Variants in SYT1 observed in about 807,000 individuals in gnomAD.
The protein encoded by SYT1 is synaptotagmin 1, also known as synaptotagmin-1.
In SYT1, 8 loss-of-function variants were observed where a neutral mutation model predicts 44.8. That is an observed-to-expected ratio of 0.18 (90% CI 0.10 to 0.32). SYT1 has a LOEUF of 0.32. SYT1 is among the 10% of genes least tolerant of loss of function. The probability of loss-of-function intolerance (pLI) is 1.00; values close to 1 mark genes in which losing one functional copy is unlikely to be tolerated. For synonymous variants in SYT1, 154 were observed against 188.8 expected (o/e 0.82, Z 1.51); for missense variants, 286 against 509.3 (o/e 0.56, Z 4.22).
chr12:79,094,945 A>T (rs533986096), intron 3 of SYT1, among the ~76,000 whole-genome samples: 1 of 151,994 alleles, frequency 6.6e-6, no homozygotes, highest in Admixed American at 6.6e-5. Flanking sequence ...AAGGCAGTCA[A>T]AAAGAAAGAA....
chr12:79,249,082 C>G (rs1592896416), intron 4 of SYT1, among the ~76,000 whole-genome samples: 1 of 106,652 alleles, frequency 9.4e-6, no homozygotes, highest in East Asian at 2.5e-4. Context: ...TTCTCTTTAC[C>G]TCTTTCTTTT....
chr12:79,420,510 A>G (rs1869041598), intron 9 of SYT1, among the ~76,000 whole-genome samples: 1 of 152,136 alleles, frequency 6.6e-6, no homozygotes. Flanking sequence ...AGGACAGACA[A>G]TATAACACTA....
Position 78,917,049 on chromosome 12 carries a change from C to T in SYT1, c.-217+51940C>T, listed in dbSNP as rs377554569. On this transcript the variant is annotated intron_variant, in intron 1 of 10. Transcript: ENST00000261205. ...AAAAGCAATCCTACCACTTCAGCCACCCAAGTACCTGGGACCACAGGCATG... is the reference window on the plus strand; with the variant it reads ...AAAAGCAATCCTACCACTTCAGCCATCCAAGTACCTGGGACCACAGGCATG... 1.1e-3 allele frequency among the ~76,000 whole-genome samples: 162 copies of T among 152,116 alleles called. 5 individuals carry two copies. In the South Asian group the frequency reaches 0.033, roughly 31 times the overall value.
chr12:79,037,998 G>A (rs1028343887), intron 2 of SYT1, among the ~76,000 whole-genome samples: 1 of 151,518 alleles, frequency 6.6e-6, no homozygotes, highest in East Asian at 1.9e-4. Context: ...AAGGATAGTT[G>A]TATGGTCTTT....
At chr12:79,084,436 A>G (rs1877245211) in intron 3 of SYT1, among the ~76,000 whole-genome samples, 1 of 152,146 alleles carries the variant, frequency 6.6e-6, no homozygotes, top group Non-Finnish European at 1.5e-5. Context: ...ATAACCATGC[A>G]GTGGTGACTC....
chr12:79,066,626 C>T (rs1875881524), intron 3 of SYT1, among the ~76,000 whole-genome samples: 1 of 151,906 alleles, frequency 6.6e-6, no homozygotes, highest in Non-Finnish European at 1.5e-5. Flanking sequence ...ATCTAATATT[C>T]AATTTACAAA....
intron 2 of SYT1, among the ~76,000 whole-genome samples, chr12:79,003,695 A>C (rs763638180): frequency 3.3e-5 from 5 of 151,992 alleles, no homozygotes; most frequent in Non-Finnish European, 7.4e-5. Context: ...TGATCTATTC[A>C]TACTTGACAC....
At chr12:79,289,795 G>A (rs1420170104) in intron 5 of SYT1, among the ~76,000 whole-genome samples, 1 of 151,912 alleles carries the variant, frequency 6.6e-6, no homozygotes, top group Non-Finnish European at 1.5e-5. Context: ...AATTTCCTGA[G>A]CACACCTAAG....
Position 79,272,900 on chromosome 12 carries a change from A to G in SYT1, c.167-12887A>G, listed in dbSNP as rs890690887. Among the ~76,000 whole-genome samples, 4 of 152,098 alleles carry G rather than the reference A, an allele frequency of 2.6e-5. No individual in the cohort carries two copies. In the East Asian group the frequency reaches 7.7e-4, roughly 29 times the overall value. ...TGATCAAGATTTTCTAATACCACAG[A>G]CAGTGTTGTTTGGGTTTGACCAAAA... On this transcript the variant is annotated intron_variant, in intron 4 of 10. Transcript: ENST00000261205.
At chr12:79,444,319 A>G (rs1870589305) in intron 10 of SYT1, 113 bp downstream of exon 10, 3 of 1,270,934 alleles carry the variant, frequency 2.4e-6, no homozygotes, top group Admixed American at 2.2e-5. Context: ...TAGAACTGCC[A>G]TTCTTTCTCC....
chr12:79,329,465 A>T (rs995206706), intron 8 of SYT1, among the ~76,000 whole-genome samples: 2 of 152,250 alleles, frequency 1.3e-5, no homozygotes, highest in Non-Finnish European at 2.9e-5. Flanking sequence ...AAAACATTTT[A>T]AAATTATTCT....
intron 3 of SYT1, among the ~76,000 whole-genome samples, chr12:79,179,148 A>ATATATAGATATAGATATATC (rs1872181403): frequency 2.2e-5 from 1 of 46,392 alleles, no homozygotes; most frequent in African/African-American, 1.2e-4. Context: ...ATAGATATAG[A>ATATATAGATATAGATATATC]TATATAGATA....
chr12:78,867,496 T>C (rs1461743163), intron 1 of SYT1, among the ~76,000 whole-genome samples: 2 of 152,076 alleles, frequency 1.3e-5, no homozygotes, highest in Non-Finnish European at 2.9e-5. Flanking sequence ...ATTCTTACTT[T>C]GTTATCCCAC....
chr12:79,007,264 A>G (rs1343335062), intron 2 of SYT1, among the ~76,000 whole-genome samples: 1 of 152,144 alleles, frequency 6.6e-6, no homozygotes, highest in Non-Finnish European at 1.5e-5. Context: ...CTCCTCTGTG[A>G]TGCTTCGTTA....
chr12:79,125,123 T>C (rs1472578211), intron 3 of SYT1, among the ~76,000 whole-genome samples: 1 of 152,136 alleles, frequency 6.6e-6, no homozygotes, highest in Admixed American at 6.6e-5. Flanking sequence ...GAATAATCCA[T>C]CCATTTTTTG....
At chr12:79,415,697 G>C (rs1367357550) in intron 9 of SYT1, among the ~76,000 whole-genome samples, 2 of 152,092 alleles carry the variant, frequency 1.3e-5, no homozygotes, top group Non-Finnish European at 2.9e-5. Context: ...TTATACTTAG[G>C]CAAGGGAACC....
At chr12:79,428,519 GCAGTGGTGA>G (rs1245784031) in intron 9 of SYT1, among the ~76,000 whole-genome samples, 1 of 152,186 alleles carries the variant, frequency 6.6e-6, no homozygotes, top group Non-Finnish European at 1.5e-5. Flanking sequence ...TGGCTAGGGA[GCAGTGGTGA>G]ATAGCACTTG....
chr12:79,019,479 A>T (rs761561737), intron 2 of SYT1, among the ~76,000 whole-genome samples: 3 of 152,024 alleles, frequency 2.0e-5, no homozygotes, highest in Non-Finnish European at 2.9e-5. Flanking sequence ...AATCATAATG[A>T]AGTTAAAAGT....
At chr12:79,117,275 A>C (rs1482457718) in intron 3 of SYT1, among the ~76,000 whole-genome samples, 1 of 152,124 alleles carries the variant, frequency 6.6e-6, no homozygotes, top group African/African-American at 2.4e-5. Context: ...ATTGTTAAGC[A>C]GGTTTTCACT....
Sources: gnomAD v4.1 joint callset for allele counts (sites outside exome capture counted in the v4.1 genomes callset) on GRCh38, gnomAD v4.1.1 for gene constraint, MANE v1.5 for transcripts, NCBI Gene and HGNC (gene_info 2026-07-23, HGNC 2026-07-21) for gene names.